Variants in PIP5K1B observed in about 807,000 individuals in gnomAD.
The protein encoded by PIP5K1B is phosphatidylinositol-4-phosphate 5-kinase type 1 beta.
In PIP5K1B, 42 loss-of-function variants were observed where a neutral mutation model predicts 67.0. The observed-to-expected ratio is 0.63, with a 90% confidence interval of 0.49 to 0.81. The LOEUF (loss-of-function observed/expected upper bound fraction) is 0.81. PIP5K1B is among the 30% of genes least tolerant of loss of function. PIP5K1B has a pLI of 0.00. For missense variants in PIP5K1B, 459 were observed against 646.3 expected, an observed-to-expected ratio of 0.71 and a Z score of 3.14; for synonymous variants, 214 against 231.4, an observed-to-expected ratio of 0.92 and a Z score of 0.68.
chr9:68,755,090 T>C (rs1829857238), intron 2 of PIP5K1B, among the ~76,000 whole-genome samples: 1 of 152,248 alleles, frequency 6.6e-6, no homozygotes, highest in Non-Finnish European at 1.5e-5. Context: ...GCATCATAAT[T>C]GTTAGGAAAG....
intron 14 of PIP5K1B, among the ~76,000 whole-genome samples, chr9:68,945,517 C>T (rs1344472068): frequency 6.6e-6 from 1 of 152,222 alleles, no homozygotes; most frequent in Non-Finnish European, 1.5e-5. Context: ...TTATTAAAAA[C>T]AGCATTGCAA....
chr9:68,918,602 G>C (rs917301400), intron 9 of PIP5K1B, among the ~76,000 whole-genome samples: 1 of 152,178 alleles, frequency 6.6e-6, no homozygotes, highest in Non-Finnish European at 1.5e-5. Context: ...GTAAGTTATT[G>C]AAATGGCAGA....
At chr9:68,903,870 T>C (rs1825484300) in intron 8 of PIP5K1B, among the ~76,000 whole-genome samples, 1 of 152,224 alleles carries the variant, frequency 6.6e-6, no homozygotes, top group Non-Finnish European at 1.5e-5. Flanking sequence ...ATATGTAATA[T>C]GTAATCATCA....
chr9:68,985,859 T>G lies in PIP5K1B; in HGVS notation c.1503-5281T>G, dbSNP rs537193752. Among the ~76,000 whole-genome samples the G allele has an allele frequency of 2.0e-5, 3 of 152,388 alleles. No homozygotes were observed. The East Asian group carries it at 5.8e-4, about 29-fold the overall frequency. ...TAGACATTTTGCATAAATGAAATTA[T>G]GTAATATGTGGTCCTCTATGACTGG... On this transcript the variant is annotated intron_variant, in intron 14 of 15. Coordinates refer to ENST00000265382, the MANE Select transcript of PIP5K1B (RefSeq NM_003558.4).
At chr9:69,004,034 G>A (rs182794500) in intron 15 of PIP5K1B, among the ~76,000 whole-genome samples, 12 of 152,152 alleles carry the variant, frequency 7.9e-5, no homozygotes, top group African/African-American at 2.9e-4. Context: ...TTGTAATATT[G>A]AAAAGCTTTG....
At chr9:68,770,576 GAGC>G (rs938283087) in intron 2 of PIP5K1B, among the ~76,000 whole-genome samples, 96 of 152,298 alleles carry the variant, frequency 6.3e-4, no homozygotes, top group African/African-American at 2.1e-3. Context: ...AGCACGAGGT[GAGC>G]AGCAGGCCAG....
At chr9:68,919,842 CT>C in intron 11 of PIP5K1B, 113 bp downstream of exon 11, 2 of 595,730 alleles carry the variant, frequency 3.4e-6, no homozygotes, top group Non-Finnish European at 5.9e-6. Context: ...AAACAACGGT[CT>C]TTATAAACTC....
rs772723948 is a variant in PIP5K1B, at chr9:68,971,145, G to GC, written c.1503-19989dup. ...TAGGTAATTCTCCTAATGATAGAGTGCCCCCCACTCCCCGACAGGCCCCAG... is the reference window on the plus strand; with the variant it reads ...TAGGTAATTCTCCTAATGATAGAGTGCCCCCCCACTCCCCGACAGGCCCCAG... On this transcript the variant is annotated intron_variant, in intron 14 of 15. Coordinates refer to ENST00000265382, the MANE Select transcript of PIP5K1B (RefSeq NM_003558.4). 4.9e-4 allele frequency among the ~76,000 whole-genome samples: 75 copies of GC among 151,936 alleles called. 1 individual carries two copies. The highest frequency in any genetic ancestry group is 9.2e-4 in the Admixed American group (14 of 15,230).
intron 14 of PIP5K1B, among the ~76,000 whole-genome samples, chr9:68,975,522 T>C (rs1829594992): frequency 6.6e-6 from 1 of 152,218 alleles, no homozygotes; most frequent in African/African-American, 2.4e-5. Context: ...AAGGTGGTGT[T>C]ATGGAGGGAA....
At chr9:68,844,128 A>C (rs902366136) in intron 4 of PIP5K1B, among the ~76,000 whole-genome samples, 2 of 152,214 alleles carry the variant, frequency 1.3e-5, no homozygotes. Flanking sequence ...AACAAGAGAG[A>C]GGCCTTACAG....
chr9:68,892,208 G>A (rs1824828335), intron 7 of PIP5K1B, among the ~76,000 whole-genome samples: 1 of 152,150 alleles, frequency 6.6e-6, no homozygotes, highest in Admixed American at 6.5e-5. Flanking sequence ...ATTCTAATAG[G>A]ATTTTTCACA....
intron 2 of PIP5K1B, among the ~76,000 whole-genome samples, chr9:68,802,120 A>T (rs973666565): frequency 6.6e-6 from 1 of 152,252 alleles, no homozygotes; most frequent in Non-Finnish European, 1.5e-5. Context: ...CTATTCAAAG[A>T]AACTGAAACT....
chr9:68,947,710 T>C (rs1827867432), intron 14 of PIP5K1B, among the ~76,000 whole-genome samples: 1 of 152,254 alleles, frequency 6.6e-6, no homozygotes, highest in South Asian at 2.1e-4. Context: ...GCCATTGTAA[T>C]AGTACTATGT....
intron 2 of PIP5K1B, among the ~76,000 whole-genome samples, chr9:68,798,203 T>C (rs906038514): frequency 6.6e-6 from 1 of 152,212 alleles, no homozygotes; most frequent in Non-Finnish European, 1.5e-5. Flanking sequence ...TGTTTATGCT[T>C]TAGAAGCTTA....
chr9:68,798,423 A>G (rs542832075), intron 2 of PIP5K1B, among the ~76,000 whole-genome samples: 1 of 152,356 alleles, frequency 6.6e-6, no homozygotes, highest in South Asian at 2.1e-4. Flanking sequence ...GACAAAAACA[A>G]TAAAAGGTAG....
At chr9:68,776,038 T>C (rs1830900354) in intron 2 of PIP5K1B, among the ~76,000 whole-genome samples, 1 of 152,194 alleles carries the variant, frequency 6.6e-6, no homozygotes, top group South Asian at 2.1e-4. Flanking sequence ...TAAATATATT[T>C]TCTTTTAATA....
Position 68,840,470 on chromosome 9 carries a change from A to G in PIP5K1B, c.69+17787A>G, listed in dbSNP as rs149298964. Among the ~76,000 whole-genome samples, 910 of 152,326 alleles carry G rather than the reference A, an allele frequency of 6.0e-3. 2 individuals carry two copies. Among genetic ancestry groups the G allele is most frequent in the South Asian group, 8.1e-3 (39 of 4,830 alleles). ...ATTACTGCAAACTTAGGGACTTAAAAACATTTATTATGTTATAGTTCTGTA... is the reference window on the plus strand; with the variant it reads ...ATTACTGCAAACTTAGGGACTTAAAGACATTTATTATGTTATAGTTCTGTA... On this transcript the variant is annotated intron_variant, in intron 4 of 15. Transcript: ENST00000265382.
At chr9:68,778,167 G>A (rs1831017838) in intron 2 of PIP5K1B, among the ~76,000 whole-genome samples, 1 of 152,206 alleles carries the variant, frequency 6.6e-6, no homozygotes, top group Non-Finnish European at 1.5e-5. Context: ...ATGAGTCCTT[G>A]ATTCAAATTG....
intron 4 of PIP5K1B, among the ~76,000 whole-genome samples, chr9:68,852,913 TG>T (rs988384536): frequency 8.7e-6 from 1 of 115,588 alleles, no homozygotes; most frequent in African/African-American, 2.9e-5. Context: ...TTTAGGGGTG[TG>T]TTTTTTTTTA....
Sources: allele counts gnomAD v4.1 joint callset (sites outside exome capture counted in the v4.1 genomes callset), GRCh38; gene constraint gnomAD v4.1.1; transcripts MANE v1.5; gene names NCBI Gene and HGNC (gene_info 2026-07-23, HGNC 2026-07-21).